The following GNA14 variants were observed in gnomAD, a reference collection of about 807,000 sequenced individuals.
The protein encoded by GNA14 is guanine nucleotide-binding protein subunit alpha-14.
Under a neutral mutation model 42.0 loss-of-function variants are expected in GNA14, and 50 were observed. The observed-to-expected ratio is 1.19, with a 90% CI of 0.95 to 1.51. The LOEUF is 1.51. Among genes scored for constraint, GNA14 ranks in the 40% most tolerant of loss-of-function variants. The pLI, the probability that GNA14 is intolerant of heterozygous loss-of-function variation, is 0.00. For synonymous variants in GNA14, 173 were observed against 163.1 expected, an observed-to-expected ratio of 1.06 and a Z score of -0.46; for missense variants, 473 against 446.2, an observed-to-expected ratio of 1.06 and a Z score of -0.54.
chr9:77,646,326 T>C (rs1355576480), intron 1 of GNA14, among the ~76,000 whole-genome samples: 2 of 152,166 alleles, frequency 1.3e-5, no homozygotes, highest in African/African-American at 4.8e-5. Flanking sequence ...ATGGGTCCCT[T>C]TGGGCTGGGT....
At chr9:77,593,602 C>T (rs1393048393) in intron 1 of GNA14, among the ~76,000 whole-genome samples, 2 of 152,136 alleles carry the variant, frequency 1.3e-5, no homozygotes, top group African/African-American at 4.8e-5. Context: ...GAGCCACCGC[C>T]CCTGACTTTT....
intron 1 of GNA14, among the ~76,000 whole-genome samples, chr9:77,626,070 AAAG>A (rs1176331371): frequency 6.6e-6 from 1 of 152,016 alleles, no homozygotes; most frequent in Non-Finnish European, 1.5e-5. Context: ...AGAAAAAAAA[AAAG>A]AAGCAGGGTT....
intron 1 of GNA14, among the ~76,000 whole-genome samples, chr9:77,556,691 C>T (rs1274290052): frequency 6.6e-6 from 1 of 152,090 alleles, no homozygotes. Context: ...CAGAAGCTTG[C>T]TTGGAAATTG....
At chr9:77,543,197 C>T (rs1353074468) in intron 1 of GNA14, among the ~76,000 whole-genome samples, 1 of 152,222 alleles carries the variant, frequency 6.6e-6, no homozygotes, top group Non-Finnish European at 1.5e-5. Context: ...AGGACATAGT[C>T]CTTTGAGGAT....
At chr9:77,543,930 G>A (rs1002827162) in intron 1 of GNA14, among the ~76,000 whole-genome samples, 2 of 152,048 alleles carry the variant, frequency 1.3e-5, no homozygotes, top group South Asian at 4.1e-4. Flanking sequence ...AGGCTACAAG[G>A]CTAATTTTTA....
chr9:77,566,759 T>C (rs1455276194), intron 1 of GNA14, among the ~76,000 whole-genome samples: 3 of 152,172 alleles, frequency 2.0e-5, no homozygotes, highest in African/African-American at 7.2e-5. Context: ...CCTCACCCTT[T>C]TATGAAATGT....
In GNA14 at chr9:77,431,431, G is replaced by A. The variant is rs147745034; in HGVS notation, c.483C>T (p.Asp161=). The change falls in exon 4 of 7, where the codon GAC becomes GAT. Residue 161 remains aspartate, a synonymous_variant. Coordinates refer to ENST00000341700, the MANE Select transcript of GNA14 (RefSeq NM_004297.4). The stretch of plus-strand genomic sequence containing the variant: ...GCACGAATGATGGTGTGGCGATGCG[G>A]TCAATGTCAGTCAGGTAACTGTATA... ...DSAKYYLTDI[D]RIATPSFVPT... The A allele has an allele frequency of 1.2e-4, 198 of 1,613,224 alleles. 2 individuals are homozygous for A. The African/African-American group carries it at 2.4e-3, about 19-fold the overall frequency.
chr9:77,598,756 A>C (rs1026026005), intron 1 of GNA14, among the ~76,000 whole-genome samples: 1 of 152,192 alleles, frequency 6.6e-6, no homozygotes, highest in African/African-American at 2.4e-5. Flanking sequence ...GTTTCTGGGA[A>C]AAGAGCCAAG....
At chr9:77,581,189 A>G (rs1354127125) in intron 1 of GNA14, among the ~76,000 whole-genome samples, 1 of 152,140 alleles carries the variant, frequency 6.6e-6, no homozygotes, top group Non-Finnish European at 1.5e-5. Context: ...AGTCCCATTT[A>G]CCGGGACCAC....
chr9:77,491,664 G>A (rs1836777623), intron 2 of GNA14, among the ~76,000 whole-genome samples: 1 of 152,134 alleles, frequency 6.6e-6, no homozygotes, highest in Non-Finnish European at 1.5e-5. Flanking sequence ...AGCATTTAAA[G>A]CAAACATTAA....
chr9:77,464,349 A>ATATGTGTG, intron 2 of GNA14, among the ~76,000 whole-genome samples: 1 of 102,062 alleles, frequency 9.8e-6, no homozygotes, highest in Admixed American at 9.4e-5. Flanking sequence ...GTGTGTGTGT[A>ATATGTGTG]TATGTGTGTG....
intron 1 of GNA14, among the ~76,000 whole-genome samples, chr9:77,623,928 T>TC (rs1773630720): frequency 6.6e-6 from 1 of 152,052 alleles, no homozygotes; most frequent in Non-Finnish European, 1.5e-5. Context: ...AACCGTTCAC[T>TC]CCCCTGGAAA....
intron 2 of GNA14, among the ~76,000 whole-genome samples, chr9:77,495,001 T>C (rs1354142100): frequency 1.3e-5 from 2 of 152,184 alleles, no homozygotes; most frequent in African/African-American, 4.8e-5. Context: ...GGTTTTGCCA[T>C]GTTGGCCAGA....
intron 1 of GNA14, among the ~76,000 whole-genome samples, chr9:77,571,730 G>A (rs1823062404): frequency 6.7e-6 from 1 of 149,064 alleles, no homozygotes; most frequent in African/African-American, 2.5e-5. Context: ...ACTCCAGCCT[G>A]GGCAACAAGA....
At chr9:77,509,220 T>C (rs1425000019) in intron 2 of GNA14, among the ~76,000 whole-genome samples, 2 of 152,242 alleles carry the variant, frequency 1.3e-5, no homozygotes, top group Non-Finnish European at 2.9e-5. Flanking sequence ...TTTTTCTGTC[T>C]GGCTTACATC....
intron 2 of GNA14, among the ~76,000 whole-genome samples, chr9:77,441,217 C>A (rs1288066349): frequency 6.6e-6 from 1 of 152,118 alleles, no homozygotes; most frequent in Non-Finnish European, 1.5e-5. Flanking sequence ...AAGGGAGGGA[C>A]CTGGTGGGAG....
intron 1 of GNA14, among the ~76,000 whole-genome samples, chr9:77,606,560 T>C (rs747245400): frequency 6.6e-6 from 1 of 152,220 alleles, no homozygotes; most frequent in East Asian, 1.9e-4. Context: ...GTTTAGATGC[T>C]ATGTCTCATG....
rs1835502719 is a variant in GNA14, at chr9:77,429,029, C to T, written c.601G>A (p.Asp201Asn). 6.2e-7 allele frequency: 1 copy of T among 1,613,838 alleles called. No homozygotes were observed. The highest frequency in any genetic ancestry group is 8.5e-7 in the Non-Finnish European group (1 of 1,179,900). Residue 201 changes from aspartate (D) to asparagine (N), a missense_variant, in exon 5 of 7, where the codon GAT becomes AAT. Asp to Asn is a conservative substitution (Grantham distance 23). Coordinates refer to ENST00000341700, the MANE Select transcript of GNA14 (RefSeq NM_004297.4). ...CTTTCCGATCGTTGGCCACCAACAT[C>T]CACCATCCTGTTGTGTAGAAACACA... ...DLENIIFRMV[D>N]VGGQRSERRK...
intron 2 of GNA14, among the ~76,000 whole-genome samples, chr9:77,440,940 T>G (rs111590132): frequency 0.015 from 2,333 of 152,254 alleles, 28 homozygotes; most frequent in Non-Finnish European, 0.024. Context: ...GGTCCTGAAC[T>G]CCTGACCTCA....
Sources: gnomAD v4.1 joint callset for allele counts (sites outside exome capture counted in the v4.1 genomes callset) on GRCh38, gnomAD v4.1.1 for gene constraint, MANE v1.5 for transcripts, NCBI Gene and HGNC (gene_info 2026-07-23, HGNC 2026-07-21) for gene names.